The following ABCB7 variants were observed in gnomAD, a reference collection of about 807,000 sequenced individuals.
ABCB7 encodes the protein ATP binding cassette subfamily B member 7.
A neutral mutation model predicts 54.4 loss-of-function variants in ABCB7; 7 were observed. That is an observed-to-expected ratio of 0.13 (90% CI 0.07 to 0.24). The LOEUF (loss-of-function observed/expected upper bound fraction) is 0.24, where lower values mean the gene tolerates loss of function less well. ABCB7 is among the 10% of genes least tolerant of loss of function. The pLI is 1.00. For synonymous variants in ABCB7, 218 were observed against 207.1 expected, an observed-to-expected ratio of 1.05 and a Z score of -0.45; for missense variants, 356 against 570.4, an observed-to-expected ratio of 0.62 and a Z score of 3.83.
At chrX:75,080,423 G>A (rs934160627) in intron 4 of ABCB7, among the ~76,000 whole-genome samples, 7 of 111,133 alleles carry the variant, frequency 6.3e-5, no homozygotes, top group African/African-American at 1.3e-4. Flanking sequence ...TCCTGCCTTC[G>A]CCTCTTGAGT....
In ABCB7 at chrX:75,155,784, T is replaced by A. The variant is rs570555792; in HGVS notation, c.168+321A>T. Among the ~76,000 whole-genome samples the A allele has an allele frequency of 2.7e-5, 3 of 111,075 alleles. No homozygotes were observed. In the East Asian group the frequency reaches 8.5e-4, roughly 31 times the overall value. ...GGGGAAAATAATCCAGTCTTCCTCG[T>A]CTTTAGAAAGGCAAGCAGGCTGGGA... On this transcript the variant is annotated intron_variant, in intron 1 of 15. Transcript: ENST00000373394.
intron 4 of ABCB7, among the ~76,000 whole-genome samples, chrX:75,088,502 C>T (rs145474379): frequency 1.2e-3 from 131 of 111,880 alleles, no homozygotes; most frequent in African/African-American, 3.8e-3. Context: ...CAAAAACACT[C>T]TAACAGAAAT....
intron 3 of ABCB7, among the ~76,000 whole-genome samples, chrX:75,106,317 T>A (rs1359162146): frequency 3.6e-5 from 4 of 111,639 alleles, no homozygotes; most frequent in African/African-American, 1.3e-4. Flanking sequence ...CAGATAGTTT[T>A]CAAAAGAAGA....
chrX:75,095,764 G>C (rs2081585618), intron 4 of ABCB7, among the ~76,000 whole-genome samples: 1 of 112,102 alleles, frequency 8.9e-6, no homozygotes, highest in Admixed American at 9.4e-5. Context: ...CAGTTTACAT[G>C]AGTTTAGTAT....
At chrX:75,058,598 T>C (rs1028155903) in intron 15 of ABCB7, among the ~76,000 whole-genome samples, 14 of 112,006 alleles carry the variant, frequency 1.2e-4, no homozygotes, top group African/African-American at 3.6e-4. Context: ...ATCAGACAAC[T>C]ATAGAATCAT....
intron 8 of ABCB7, 44 bp downstream of exon 8, chrX:75,073,645 A>T: frequency 1.0e-6 from 1 of 997,276 alleles, no homozygotes; most frequent in Non-Finnish European, 1.4e-6. Flanking sequence ...ATCAAATCTT[A>T]GTGCAGTGTG....
At chrX:75,115,266 C>CAAAAAAAAAAAAAAAAAAAAA (rs1160024642) in intron 1 of ABCB7, among the ~76,000 whole-genome samples, 1 of 13,251 alleles carries the variant, frequency 7.5e-5, no homozygotes, top group Non-Finnish European at 1.2e-4. Flanking sequence ...GACTCTGTCT[C>CAAAAAAAAAAAAAAAAAAAAA]AAAAAAAAAA....
At chrX:75,080,422 C>T (rs1374479473) in intron 4 of ABCB7, among the ~76,000 whole-genome samples, 1 of 111,185 alleles carries the variant, frequency 9.0e-6, no homozygotes, top group Non-Finnish European at 1.9e-5. Context: ...CTCCTGCCTT[C>T]GCCTCTTGAG....
In ABCB7 at chrX:75,119,893, T is replaced by C. The variant is rs780891428; in HGVS notation, c.169-5062A>G. On this transcript the variant is annotated intron_variant, in intron 1 of 15. Transcript: ENST00000373394. The stretch of plus-strand genomic sequence containing the variant: ...GACAATTGTTGTCTTGTTCTGATCC[T>C]CTTCAAAAGGTGGTTTATAGTCAGC... 8.0e-5 allele frequency among the ~76,000 whole-genome samples: 9 copies of C among 112,273 alleles called. No individual in the cohort carries two copies. In the South Asian group the frequency reaches 3.3e-3, roughly 41 times the overall value.
Position 75,054,156 on chromosome X carries a change from T to C in ABCB7, c.2044-571A>G, listed in dbSNP as rs1327936700. On this transcript the variant is annotated intron_variant, in intron 15 of 15. Transcript: ENST00000373394. ...ATTCCAAACTCTCATCTACAATTAA[T>C]TTGTTTCTTGATAGCTACGGTTAAC... 4.5e-5 allele frequency among the ~76,000 whole-genome samples: 5 copies of C among 112,332 alleles called. No individual in the cohort carries two copies. In the Admixed American group the frequency reaches 4.7e-4, roughly 11 times the overall value.
In ABCB7 at chrX:75,136,853, G is replaced by A. The variant is rs759853043; in HGVS notation, c.168+19252C>T. Among the ~76,000 whole-genome samples the A allele has an allele frequency of 2.7e-5, 3 of 111,915 alleles. No homozygotes were observed. The South Asian group carries it at 1.1e-3, about 42-fold the overall frequency. On this transcript the variant is annotated intron_variant, in intron 1 of 15. Coordinates refer to ENST00000373394, the MANE Select transcript of ABCB7 (RefSeq NM_001271696.3). ...AGCCATATGCAGAAGATGAAAATGG[G>A]CCCCTATCTTTAACCATTGACAAAT...
intron 15 of ABCB7, among the ~76,000 whole-genome samples, chrX:75,056,796 T>C (rs887012469): frequency 6.3e-5 from 7 of 111,640 alleles, no homozygotes; most frequent in Non-Finnish European, 1.3e-4. Flanking sequence ...TTTCCCAACA[T>C]CAATGTATTT....
At chrX:75,126,155 C>T (rs1399372450) in intron 1 of ABCB7, among the ~76,000 whole-genome samples, 2 of 111,084 alleles carry the variant, frequency 1.8e-5, no homozygotes, top group African/African-American at 6.5e-5. Flanking sequence ...TAGAACATTT[C>T]AAGGGTAAAT....
At chrX:75,089,316 T>C (rs893196779) in intron 4 of ABCB7, among the ~76,000 whole-genome samples, 5 of 111,880 alleles carry the variant, frequency 4.5e-5, no homozygotes, top group Admixed American at 3.8e-4. Flanking sequence ...TCTTAATTCA[T>C]CTAACAGATA....
At chrX:75,123,382 G>A (rs1325179151) in intron 1 of ABCB7, among the ~76,000 whole-genome samples, 2 of 111,606 alleles carry the variant, frequency 1.8e-5, no homozygotes, top group Admixed American at 9.5e-5. Flanking sequence ...CTGTTCCATT[G>A]GTCTATGTGT....
At position 75,052,777 on chromosome X, in the gene ABCB7, CA is replaced by C. The variant is rs747765126; in HGVS notation, c.*592del. The C allele has an allele frequency of 0.04, 2,717 of 67,441 alleles. 99 individuals are homozygous for C. The highest frequency in any genetic ancestry group is 0.12 in the African/African-American group (2,579 of 21,801). The allele number at this position is 67,441 out of a possible 1,213,427, so 5.6% of individuals were successfully genotyped here. A position where few individuals can be genotyped will look rare whatever the true frequency, so the allele number is the denominator to read the frequency against. On this transcript the variant is annotated 3_prime_UTR_variant, in exon 16 of 16. Coordinates refer to ENST00000373394, the MANE Select transcript of ABCB7 (RefSeq NM_001271696.3). ...TGGGTGACAGAATGAGAATCTGTCT[CA>C]AAAAAAAAAAACAACAAAAAACAAA...
intron 9 of ABCB7, among the ~76,000 whole-genome samples, chrX:75,071,149 C>T (rs1426879628): frequency 9.1e-6 from 1 of 109,317 alleles, no homozygotes; most frequent in African/African-American, 3.3e-5. Context: ...CCTGGTAATT[C>T]TTAAAAAAAA....
Position 75,053,592 on chromosome X carries a change from AG to A in ABCB7, c.2044-8del. The A allele has an allele frequency of 6.0e-6, 7 of 1,176,422 alleles. No individual in the cohort carries two copies. Among genetic ancestry groups the A allele is most frequent in the Non-Finnish European group, 8.0e-6 (7 of 875,810 alleles). On this transcript the variant is annotated splice_region_variant and splice_polypyrimidine_tract_variant and intron_variant, in intron 15 of 15. Coordinates refer to ENST00000373394, the MANE Select transcript of ABCB7 (RefSeq NM_001271696.3). ...CACGTTCGGCTACCTTACCCTAAAAAGTAAACACATGAGAAACACGGAGAAA... is the reference window on the plus strand; with the variant it reads ...CACGTTCGGCTACCTTACCCTAAAAATAAACACATGAGAAACACGGAGAAA...
chrX:75,081,546 T>C, intron 4 of ABCB7, among the ~76,000 whole-genome samples: 1 of 112,238 alleles, frequency 8.9e-6, no homozygotes, highest in Middle Eastern at 4.7e-3. Context: ...ATCATTCACA[T>C]TCTGCATTTT....
Sources: allele counts gnomAD v4.1 joint callset (sites outside exome capture counted in the v4.1 genomes callset), GRCh38; gene constraint gnomAD v4.1.1; transcripts MANE v1.5; gene names NCBI Gene and HGNC (gene_info 2026-07-23, HGNC 2026-07-21).